The following STK32B variants were observed in gnomAD, a reference collection of about 807,000 sequenced individuals.
STK32B encodes the protein serine/threonine kinase 32B.
In STK32B, 43 loss-of-function variants were observed where a neutral mutation model predicts 52.6. The observed-to-expected ratio is 0.82, with a 90% CI of 0.64 to 1.05. The LOEUF (loss-of-function observed/expected upper bound fraction) is 1.05, where lower values mean the gene tolerates loss of function less well. STK32B is among the 50% of genes least tolerant of loss of function. The pLI is 0.00. For synonymous variants in STK32B, 238 were observed against 204.3 expected (o/e 1.17, Z -1.41); for missense variants, 621 against 534.6 (o/e 1.16, Z -1.59).
chr4:5,287,596 C>T (rs1207884061), intron 3 of STK32B, among the ~76,000 whole-genome samples: 2 of 152,050 alleles, frequency 1.3e-5, no homozygotes, highest in African/African-American at 2.4e-5. Context: ...CAACTAGTGT[C>T]GTTCCTGCCC....
intron 3 of STK32B, among the ~76,000 whole-genome samples, chr4:5,208,525 C>G (rs1434360038): frequency 2.6e-5 from 4 of 152,174 alleles, no homozygotes; most frequent in African/African-American, 7.2e-5. Context: ...AATTTCAGGG[C>G]AGAAAACTTA....
At chr4:5,241,039 TA>T (rs529935216) in intron 3 of STK32B, among the ~76,000 whole-genome samples, 70 of 152,312 alleles carry the variant, frequency 4.6e-4, no homozygotes, top group Admixed American at 4.1e-3. Flanking sequence ...ATTACTGTTT[TA>T]TTGTACACAT....
chr4:5,235,514 T>C (rs141278907), intron 3 of STK32B, among the ~76,000 whole-genome samples: 1 of 152,342 alleles, frequency 6.6e-6, no homozygotes, highest in Non-Finnish European at 1.5e-5. Context: ...TTATCCAAGA[T>C]AGCCTGTCGA....
At chr4:5,331,462 A>C (rs1356398638) in intron 4 of STK32B, 69 bp downstream of exon 4, 1 of 1,494,604 alleles carries the variant, frequency 6.7e-7, no homozygotes, top group African/African-American at 1.4e-5. Context: ...AGCAGTCTGC[A>C]GTAGTGGGGA....
Position 5,467,969 on chromosome 4 carries a change from C to G in STK32B, c.1042-37C>G. On this transcript the variant is annotated intron_variant, in intron 10 of 11. Coordinates refer to ENST00000282908, the MANE Select transcript of STK32B (RefSeq NM_018401.3). This position sits in a 1 kb window ranked among gnomAD's most constrained non-coding sequence, Gnocchi z 5.8. The stretch of plus-strand genomic sequence containing the variant: ...CATTACCGCGCGTCCCCGGACCGTG[C>G]TTTGTCATTTAGTCACCCCTCTGTG... The G allele has an allele frequency of 1.2e-6, 2 of 1,613,032 alleles. No homozygotes were observed. The highest frequency in any genetic ancestry group is 1.7e-6 in the Non-Finnish European group (2 of 1,179,088).
intron 3 of STK32B, among the ~76,000 whole-genome samples, chr4:5,194,228 A>G (rs992172749): frequency 6.6e-6 from 1 of 152,186 alleles, no homozygotes; most frequent in South Asian, 2.1e-4. Context: ...GGTCCTGTGT[A>G]TATTGTTCTC....
At chr4:5,180,711 G>A (rs924181030) in intron 3 of STK32B, among the ~76,000 whole-genome samples, 1 of 152,140 alleles carries the variant, frequency 6.6e-6, no homozygotes, top group Non-Finnish European at 1.5e-5. Context: ...TTACATGGAG[G>A]GTGAATTATT....
chr4:5,460,063 A>G lies in STK32B; in HGVS notation c.784-40A>G, dbSNP rs749678551. ...TCAGAGTCCCCGCTAACCTTGAGGGATGCCCAATTCATGGAAACTCATTTG... is the reference window on the plus strand; with the variant it reads ...TCAGAGTCCCCGCTAACCTTGAGGGGTGCCCAATTCATGGAAACTCATTTG... On this transcript the variant is annotated intron_variant, in intron 8 of 11. Transcript: ENST00000282908. The surrounding 1 kb of genome is among the most constrained non-coding windows in gnomAD (Gnocchi z 4.8). The G allele has an allele frequency of 6.2e-7, 1 of 1,614,156 alleles. No homozygotes were observed. Among genetic ancestry groups the G allele is most frequent in the Non-Finnish European group, 8.5e-7 (1 of 1,180,020 alleles).
chr4:5,329,355 G>A (rs1279015302), intron 3 of STK32B, among the ~76,000 whole-genome samples: 3 of 152,126 alleles, frequency 2.0e-5, no homozygotes, highest in South Asian at 2.1e-4. Context: ...GTGGCCCTCC[G>A]CTGTTTGTGC....
chr4:5,186,784 C>G (rs16836791), intron 3 of STK32B, among the ~76,000 whole-genome samples: 51,942 of 152,120 alleles, frequency 0.34, 10,497 homozygotes, highest in East Asian at 0.51. Context: ...GCTCTCCTAT[C>G]TAGAGTCCCT....
Position 5,205,103 on chromosome 4 carries a change from G to A in STK32B, c.260+36653G>A, listed in dbSNP as rs181658441. Among the ~76,000 whole-genome samples, 109 of 152,286 alleles carry A rather than the reference G, an allele frequency of 7.2e-4. 1 individual carries two copies. The East Asian group carries it at 0.02, about 28-fold the overall frequency. The stretch of plus-strand genomic sequence containing the variant: ...GAGCACATTTTCCCTCTCTTCTAGA[G>A]CAGGGACATCCACCTTCTTCTGCCC... On this transcript the variant is annotated intron_variant, in intron 3 of 11. Transcript: ENST00000282908.
chr4:5,466,516 A>G (rs1339744172), intron 9 of STK32B, among the ~76,000 whole-genome samples, 187 bp from the exon 10 acceptor site: 2 of 152,166 alleles, frequency 1.3e-5, no homozygotes, highest in East Asian at 1.9e-4. Context: ...GTGTAAATAT[A>G]TGATGTGTAC....
At chr4:5,057,793 C>G (rs1242664760) in intron 1 of STK32B, among the ~76,000 whole-genome samples, 1 of 152,112 alleles carries the variant, frequency 6.6e-6, no homozygotes, top group Non-Finnish European at 1.5e-5. Context: ...AAAATCTGGA[C>G]TTTGAGAAAT....
At chr4:5,198,029 A>G (rs1026604443) in intron 3 of STK32B, among the ~76,000 whole-genome samples, 3 of 152,108 alleles carry the variant, frequency 2.0e-5, no homozygotes, top group Non-Finnish European at 2.9e-5. Flanking sequence ...TTTTTCTTCA[A>G]AATGCTTGAA....
At chr4:5,199,284 TAGA>T (rs1393430286) in intron 3 of STK32B, among the ~76,000 whole-genome samples, 1 of 152,170 alleles carries the variant, frequency 6.6e-6, no homozygotes, top group East Asian at 1.9e-4. Context: ...GTGCAGAAAG[TAGA>T]AGGACTAATA....
At chr4:5,061,763 C>G (rs1426124784) in intron 1 of STK32B, among the ~76,000 whole-genome samples, 1 of 152,128 alleles carries the variant, frequency 6.6e-6, no homozygotes, top group Admixed American at 6.5e-5. Flanking sequence ...TTACCAAAGC[C>G]TGGGTGTTTA....
At chr4:5,145,734 T>C (rs113133320) in intron 2 of STK32B, among the ~76,000 whole-genome samples, 3 of 152,332 alleles carry the variant, frequency 2.0e-5, no homozygotes, top group African/African-American at 7.2e-5. Context: ...GTGGGATACA[T>C]ATCTGGATAC....
At chr4:5,231,166 C>T (rs1577220296) in intron 3 of STK32B, among the ~76,000 whole-genome samples, 1 of 152,286 alleles carries the variant, frequency 6.6e-6, no homozygotes, top group East Asian at 1.9e-4. Context: ...TCTTGCATCA[C>T]TCTTGCTGTT....
At chr4:5,277,038 T>G (rs1365599730) in intron 3 of STK32B, among the ~76,000 whole-genome samples, 1 of 152,260 alleles carries the variant, frequency 6.6e-6, no homozygotes, top group Non-Finnish European at 1.5e-5. Flanking sequence ...AGATGAACTT[T>G]TATCTTATGG....
Sources: allele counts gnomAD v4.1 joint callset (sites outside exome capture counted in the v4.1 genomes callset), GRCh38; gene constraint gnomAD v4.1.1; non-coding constraint Gnocchi (gnomAD v3.1); transcripts MANE v1.5; gene names NCBI Gene and HGNC (gene_info 2026-07-23, HGNC 2026-07-21).